Variants in SVOP observed in about 807,000 individuals in gnomAD.
The protein encoded by SVOP is synaptic vesicle 2-related protein.
In SVOP, 17 loss-of-function variants were observed where a neutral mutation model predicts 69.1. The observed-to-expected ratio is 0.25, with a 90% CI of 0.17 to 0.37. The LOEUF (loss-of-function observed/expected upper bound fraction) is 0.37, where lower values mean the gene tolerates loss of function less well. Ranked by LOEUF, SVOP falls within the 10% of genes least tolerant of loss-of-function variation. SVOP has a pLI of 1.00. For synonymous variants in SVOP, 238 were observed against 238.6 expected, an observed-to-expected ratio of 1.00 and a Z score of 0.02; for missense variants, 435 against 597.5, an observed-to-expected ratio of 0.73 and a Z score of 2.84.
At chr12:108,945,552 T>G (rs1385812791) in intron 6 of SVOP, among the ~76,000 whole-genome samples, 4 of 151,900 alleles carry the variant, frequency 2.6e-5, no homozygotes, top group Non-Finnish European at 5.9e-5. Context: ...CCACCACTCC[T>G]GGCTAATTAT....
At chr12:108,934,882 A>G (rs2039847110) in intron 10 of SVOP, among the ~76,000 whole-genome samples, 1 of 152,244 alleles carries the variant, frequency 6.6e-6, no homozygotes, top group African/African-American at 2.4e-5. Context: ...AAAATGGGCA[A>G]CCAGGAGCCC....
chr12:108,976,698 C>T (rs1317113311), intron 4 of SVOP, among the ~76,000 whole-genome samples: 3 of 151,784 alleles, frequency 2.0e-5, no homozygotes, highest in South Asian at 2.1e-4. Context: ...TCACTGCAAC[C>T]TCTGCCTCCC....
intron 1 of SVOP, among the ~76,000 whole-genome samples, chr12:109,010,945 G>A (rs926016694): frequency 2.7e-5 from 4 of 150,338 alleles, no homozygotes; most frequent in East Asian, 4.0e-4. Flanking sequence ...GCAGGGTCTC[G>A]CTCTGTCATC....
chr12:108,948,376 G>A (rs1427683632), intron 6 of SVOP, among the ~76,000 whole-genome samples: 1 of 152,074 alleles, frequency 6.6e-6, no homozygotes, highest in East Asian at 1.9e-4. Context: ...TTTCAAAAGG[G>A]GGCCTCAGCA....
intron 7 of SVOP, among the ~76,000 whole-genome samples, chr12:108,942,401 C>A (rs191362895): frequency 6.6e-6 from 1 of 152,232 alleles, no homozygotes; most frequent in Non-Finnish European, 1.5e-5. Context: ...TGCCACTTCT[C>A]GATGGGGCTG....
At chr12:108,982,088 C>CT (rs1318063599) in intron 2 of SVOP, among the ~76,000 whole-genome samples, 1 of 151,060 alleles carries the variant, frequency 6.6e-6, no homozygotes, top group African/African-American at 2.4e-5. Context: ...ATCATCATCA[C>CT]TATCATCATC....
intron 13 of SVOP, among the ~76,000 whole-genome samples, chr12:108,919,057 C>G (rs2039732044): frequency 6.6e-6 from 1 of 151,100 alleles, no homozygotes; most frequent in Admixed American, 6.6e-5. Context: ...GGGCCGGCAC[C>G]CACACCCTAC....
At chr12:109,016,921 A>T (rs1477703371) in intron 1 of SVOP, among the ~76,000 whole-genome samples, 2 of 151,742 alleles carry the variant, frequency 1.3e-5, no homozygotes, top group Non-Finnish European at 2.9e-5. Context: ...TAAGAAAAAA[A>T]TTTTTTTAGT....
chr12:109,005,354 C>A (rs763334772), intron 1 of SVOP, among the ~76,000 whole-genome samples: 10 of 152,158 alleles, frequency 6.6e-5, no homozygotes, highest in Non-Finnish European at 1.2e-4. Context: ...TCCTACCTCA[C>A]AGGGTAGCCA....
chr12:108,998,429 G>A (rs1389296803), intron 1 of SVOP, among the ~76,000 whole-genome samples: 3 of 152,164 alleles, frequency 2.0e-5, no homozygotes, highest in Non-Finnish European at 4.4e-5. Context: ...TAGCAAGGCA[G>A]GCCAATGTTC....
chr12:108,922,802 G>T lies in SVOP; in HGVS notation c.1049-5C>A. ...CAGCCTTCTTCCGACTGGAGACTGG[G>T]GTTGGGAGAGAGAAAGAGAGGGGGA... On this transcript the variant is annotated splice_polypyrimidine_tract_variant and splice_region_variant and intron_variant, in intron 11 of 15. Coordinates refer to ENST00000610966, the MANE Select transcript of SVOP (RefSeq NM_018711.5). 1.3e-6 allele frequency: 2 copies of T among 1,595,056 alleles called. No homozygotes were observed. Among genetic ancestry groups the T allele is most frequent in the Non-Finnish European group, 1.7e-6 (2 of 1,169,542 alleles).
Position 108,938,908 on chromosome 12 carries a change from T to C in SVOP, c.816A>G (p.Glu272=). ...TCCTCTTTAAGGTGGCGATTGCCTTTTCCTGGTTCCCTGACAGCACATCAT... is the reference window on the plus strand; with the variant it reads ...TCCTCTTTAAGGTGGCGATTGCCTTCTCCTGGTTCCCTGACAGCACATCAT... The part of the protein sequence containing the change: ...ARYDVLSGNQ[E]KAIATLKRIA... The change falls in exon 9 of 16, where the codon GAA becomes GAG. Residue 272 remains glutamate (E), a synonymous_variant. Coordinates refer to ENST00000610966, the MANE Select transcript of SVOP (RefSeq NM_018711.5). 1 of 1,613,986 alleles carries C rather than the reference T, an allele frequency of 6.2e-7. No individual in the cohort carries two copies. Among genetic ancestry groups the C allele is most frequent in the South Asian group, 1.1e-5 (1 of 91,084 alleles).
intron 1 of SVOP, among the ~76,000 whole-genome samples, chr12:108,995,450 T>A (rs1485373356): frequency 6.6e-6 from 1 of 152,104 alleles, no homozygotes; most frequent in Non-Finnish European, 1.5e-5. Context: ...CCTAGAACAC[T>A]TACATTCACA....
At chr12:108,938,715 G>T in intron 9 of SVOP, 112 bp downstream of exon 9, 2 of 1,535,170 alleles carry the variant, frequency 1.3e-6, no homozygotes, top group South Asian at 1.2e-5. Flanking sequence ...ACCCCACCTT[G>T]GGTACACATA....
intron 1 of SVOP, among the ~76,000 whole-genome samples, chr12:109,009,523 C>T (rs2040329407): frequency 6.6e-6 from 1 of 151,918 alleles, no homozygotes; most frequent in African/African-American, 2.4e-5. Context: ...AGCGATTCTC[C>T]TGCCTCAGCC....
In SVOP at chr12:108,911,853, G is replaced by A. The variant is rs2039685384; in HGVS notation, c.*682C>T. Reference sequence around the variant, plus strand: ...TCCCAGGGGGTAACGGCGTTCTGAGGTTGTCACCTGGTGCAAGACCAGCTG... The same window carrying A: ...TCCCAGGGGGTAACGGCGTTCTGAGATTGTCACCTGGTGCAAGACCAGCTG... On this transcript the variant is annotated 3_prime_UTR_variant, in exon 16 of 16. Coordinates refer to ENST00000610966, the MANE Select transcript of SVOP (RefSeq NM_018711.5). The A allele has an allele frequency of 6.6e-6, 1 of 152,244 alleles. No individual in the cohort carries two copies. The highest frequency in any genetic ancestry group is 1.5e-5 in the Non-Finnish European group (1 of 68,146). 9.4% of individuals were successfully genotyped at this position (152,244 alleles called of 1,614,324 possible). A position where few individuals can be genotyped will look rare whatever the true frequency, so the allele number is the denominator to read the frequency against.
At chr12:108,998,513 A>C (rs1260687117) in intron 1 of SVOP, among the ~76,000 whole-genome samples, 2 of 151,926 alleles carry the variant, frequency 1.3e-5, no homozygotes, top group African/African-American at 4.8e-5. Context: ...TAATTGTCAG[A>C]TTCACCAAAG....
intron 2 of SVOP, among the ~76,000 whole-genome samples, chr12:108,981,688 T>C (rs945772757): frequency 7.3e-4 from 111 of 152,308 alleles, no homozygotes; most frequent in Admixed American, 2.0e-3. Context: ...AAGATGTTGG[T>C]AATAGATCCA....
At chr12:109,009,285 A>C (rs1231516916) in intron 1 of SVOP, among the ~76,000 whole-genome samples, 4 of 151,078 alleles carry the variant, frequency 2.6e-5, no homozygotes, top group African/African-American at 9.7e-5. Flanking sequence ...TTATTTATTC[A>C]CTCATTCATT....
Sources: allele counts gnomAD v4.1 joint callset (sites outside exome capture counted in the v4.1 genomes callset), GRCh38; gene constraint gnomAD v4.1.1; transcripts MANE v1.5; gene names NCBI Gene and HGNC (gene_info 2026-07-23, HGNC 2026-07-21).